Variants in TCEA1 observed in about 807,000 individuals in gnomAD.
TCEA1 encodes the protein transcription elongation factor A1, also known as transcription elongation factor A protein 1.
TCEA1 carries 21 observed loss-of-function variants against 43.8 expected under a neutral mutation model. That is an observed-to-expected ratio of 0.48 (90% CI 0.34 to 0.69). TCEA1 has a LOEUF of 0.69. TCEA1 is among the 30% of genes least tolerant of loss of function. The probability of loss-of-function intolerance (pLI) is 0.01; values close to 1 mark genes in which losing one functional copy is unlikely to be tolerated. For synonymous variants in TCEA1, 104 were observed against 117.5 expected, an observed-to-expected ratio of 0.88 and a Z score of 0.75; for missense variants, 250 against 365.1, an observed-to-expected ratio of 0.68 and a Z score of 2.57.
intron 2 of TCEA1, among the ~76,000 whole-genome samples, chr8:54,001,790 C>G (rs1804272161): frequency 6.6e-6 from 1 of 152,004 alleles, no homozygotes; most frequent in Non-Finnish European, 1.5e-5. Context: ...AAAACCTATA[C>G]TGAGAATATA....
At chr8:53,968,698 C>T (rs1426925697) in intron 9 of TCEA1, among the ~76,000 whole-genome samples, 1 of 151,652 alleles carries the variant, frequency 6.6e-6, no homozygotes, top group Non-Finnish European at 1.5e-5. Flanking sequence ...AAAAATTAGC[C>T]AGGCATGGTG....
At chr8:53,990,575 C>A (rs910566092) in intron 4 of TCEA1, among the ~76,000 whole-genome samples, 2 of 152,028 alleles carry the variant, frequency 1.3e-5, no homozygotes, top group Admixed American at 1.3e-4. Flanking sequence ...GTTGCTCAGG[C>A]TAGTCTCAAA....
At chr8:53,996,545 C>T (rs748755533) in intron 3 of TCEA1, among the ~76,000 whole-genome samples, 2 of 152,054 alleles carry the variant, frequency 1.3e-5, no homozygotes, top group African/African-American at 2.4e-5. Context: ...ATCTAGCTAA[C>T]AATGTAAAGA....
intron 6 of TCEA1, among the ~76,000 whole-genome samples, chr8:53,984,894 A>C (rs1472274723): frequency 6.6e-6 from 1 of 151,992 alleles, no homozygotes; most frequent in Non-Finnish European, 1.5e-5. Context: ...AAAAAAAAAC[A>C]AACCTGAAAT....
intron 3 of TCEA1, among the ~76,000 whole-genome samples, chr8:53,996,942 C>T (rs760559694): frequency 2.5e-4 from 34 of 137,776 alleles, no homozygotes; most frequent in Non-Finnish European, 4.2e-4. Context: ...CTCTGTTGCC[C>T]AGGCTGGAGT....
intron 1 of TCEA1, among the ~76,000 whole-genome samples, chr8:54,020,700 T>G (rs757271747): frequency 4.6e-5 from 7 of 152,196 alleles, no homozygotes; most frequent in Non-Finnish European, 1.0e-4. Context: ...CAGCTCTGTG[T>G]GAGTCACAAA....
At chr8:53,974,878 C>G (rs1350985806) in intron 8 of TCEA1, among the ~76,000 whole-genome samples, 2 of 151,868 alleles carry the variant, frequency 1.3e-5, no homozygotes. Context: ...AAAAATAGAG[C>G]AGTATCTACG....
At chr8:53,979,314 C>T in intron 7 of TCEA1, 143 bp from the exon 8 acceptor site, 1 of 973,306 alleles carries the variant, frequency 1.0e-6, no homozygotes, top group Non-Finnish European at 1.4e-6. Flanking sequence ...TATTTTTCCT[C>T]AAAGGCTTTG....
chr8:54,007,814 G>A (rs1333364326), intron 2 of TCEA1, among the ~76,000 whole-genome samples: 2 of 152,022 alleles, frequency 1.3e-5, no homozygotes, highest in Non-Finnish European at 2.9e-5. Flanking sequence ...AGAAAATAAC[G>A]ATATTCATGT....
intron 3 of TCEA1, chr8:53,999,695 A>T (rs1352244494): frequency 2.5e-6 from 1 of 394,330 alleles, no homozygotes; most frequent in Non-Finnish European, 4.5e-6. Context: ...TTTAAGAGAA[A>T]ATTCTTCTTA....
chr8:54,016,675 C>G (rs1804839138), intron 1 of TCEA1, among the ~76,000 whole-genome samples: 1 of 151,460 alleles, frequency 6.6e-6, no homozygotes, highest in Non-Finnish European at 1.5e-5. Flanking sequence ...CCTGTCTCTA[C>G]TAAAAATACA....
intron 2 of TCEA1, among the ~76,000 whole-genome samples, chr8:54,006,644 T>C (rs1315365590): frequency 2.0e-5 from 3 of 152,200 alleles, no homozygotes; most frequent in Non-Finnish European, 4.4e-5. Context: ...GATTACTATG[T>C]TGTTTTCCCC....
At chr8:54,003,227 A>C (rs1804327756) in intron 2 of TCEA1, 1 of 367,548 alleles carries the variant, frequency 2.7e-6, no homozygotes, top group African/African-American at 2.1e-5. Flanking sequence ...AAGATGACCC[A>C]AACAAAATTT....
chr8:53,980,519 T>A (rs1803469553), intron 7 of TCEA1, among the ~76,000 whole-genome samples: 1 of 152,244 alleles, frequency 6.6e-6, no homozygotes, highest in South Asian at 2.1e-4. Flanking sequence ...GCATTTTCAC[T>A]ATTATTATAT....
At chr8:53,973,127 T>C (rs1369128353) in intron 8 of TCEA1, 1 of 610,868 alleles carries the variant, frequency 1.6e-6, no homozygotes, top group Non-Finnish European at 3.1e-6. Context: ...AGCTACAAGG[T>C]GATGATGAAG....
chr8:53,975,436 T>C (rs1201283736), intron 8 of TCEA1, among the ~76,000 whole-genome samples: 2 of 152,230 alleles, frequency 1.3e-5, no homozygotes, highest in Non-Finnish European at 2.9e-5. Context: ...GAGGTATCTG[T>C]ACACTTAAGT....
At chr8:53,969,204 C>T (rs1161375142) in intron 9 of TCEA1, among the ~76,000 whole-genome samples, 4 of 152,064 alleles carry the variant, frequency 2.6e-5, no homozygotes, top group South Asian at 2.1e-4. Flanking sequence ...GCAGGAGAAT[C>T]GCTTGAACCT....
chr8:54,019,144 G>A (rs1768064718), intron 1 of TCEA1, among the ~76,000 whole-genome samples: 1 of 152,176 alleles, frequency 6.6e-6, no homozygotes, highest in Non-Finnish European at 1.5e-5. Flanking sequence ...TTTTAGTTAA[G>A]TGTGACACCT....
intron 7 of TCEA1, among the ~76,000 whole-genome samples, chr8:53,979,899 C>T (rs2129300856): frequency 6.6e-6 from 1 of 152,288 alleles, no homozygotes; most frequent in South Asian, 2.1e-4. Context: ...TGATTGCATC[C>T]CCAATCAATC....
Sources: gnomAD v4.1 joint callset for allele counts (sites outside exome capture counted in the v4.1 genomes callset) on GRCh38, gnomAD v4.1.1 for gene constraint, MANE v1.5 for transcripts, NCBI Gene and HGNC (gene_info 2026-07-23, HGNC 2026-07-21) for gene names.